The following NEK1 variants were observed in gnomAD, a reference collection of about 807,000 sequenced individuals.
NEK1 encodes the protein NIMA related kinase 1.
In NEK1, 137 loss-of-function variants were observed where a neutral mutation model predicts 182.1. The ratio of observed to expected loss-of-function variants is 0.75; its 90% confidence interval spans 0.65 to 0.87. The LOEUF (loss-of-function observed/expected upper bound fraction) is 0.87. Among genes scored for constraint, NEK1 ranks in the 40% least tolerant of loss-of-function variants. The probability of loss-of-function intolerance (pLI) is 0.00; values close to 1 mark genes in which losing one functional copy is unlikely to be tolerated. For missense variants in NEK1, 1,391 were observed against 1,494.4 expected, an observed-to-expected ratio of 0.93 and a Z score of 1.14; for synonymous variants, 513 against 492.2, an observed-to-expected ratio of 1.04 and a Z score of -0.56.
chr4:169,601,107 GC>G (rs1169773382), intron 4 of NEK1, among the ~76,000 whole-genome samples: 3 of 152,128 alleles, frequency 2.0e-5, no homozygotes, highest in African/African-American at 7.2e-5. Context: ...TCATTTCACT[GC>G]CAGCATAAAA....
At chr4:169,465,268 C>G (rs537145883) in intron 26 of NEK1, among the ~76,000 whole-genome samples, 1 of 152,158 alleles carries the variant, frequency 6.6e-6, no homozygotes, top group Non-Finnish European at 1.5e-5. Context: ...GGAAAAAGTT[C>G]TAACAAACAA....
At chr4:169,400,051 T>C in intron 35 of NEK1, 174 bp downstream of exon 35, 1 of 707,874 alleles carries the variant, frequency 1.4e-6, no homozygotes, top group Non-Finnish European at 2.5e-6. Flanking sequence ...AGTAAAAGTA[T>C]ATGACAGATC....
intron 19 of NEK1, among the ~76,000 whole-genome samples, chr4:169,512,948 T>C (rs570931360): frequency 4.3e-4 from 66 of 152,240 alleles, no homozygotes; most frequent in South Asian, 3.3e-3. Context: ...TAGTGTTTCA[T>C]TGATCTATGT....
intron 35 of NEK1, 118 bp from the exon 36 acceptor site, chr4:169,394,641 T>C (rs1178438849): frequency 1.5e-5 from 8 of 550,100 alleles, no homozygotes; most frequent in East Asian, 6.9e-5. Flanking sequence ...AAACATACTT[T>C]TAAAATTATT....
At chr4:169,434,270 G>A (rs1053436874) in intron 28 of NEK1, among the ~76,000 whole-genome samples, 8 of 140,496 alleles carry the variant, frequency 5.7e-5, no homozygotes, top group African/African-American at 2.1e-4. Flanking sequence ...GTGCAGTGGT[G>A]TGCTCTTGGC....
At chr4:169,459,660 T>C (rs1440861388) in intron 27 of NEK1, among the ~76,000 whole-genome samples, 1 of 152,198 alleles carries the variant, frequency 6.6e-6, no homozygotes, top group African/African-American at 2.4e-5. Flanking sequence ...AGTGAATAAA[T>C]AAACTGTGGC....
At position 169,570,061 on chromosome 4, in the gene NEK1, G is replaced by A. The variant is rs369067832; in HGVS notation, c.1020+6867C>T. On this transcript the variant is annotated intron_variant, in intron 12 of 35. Transcript: ENST00000507142. ...TAGGAAGTGAGGAGCGCCTCTTCCC[G>A]GCCGCCATCCCATCTAGGAAGTGAG... Among the ~76,000 whole-genome samples the A allele has an allele frequency of 2.2e-3, 324 of 148,484 alleles. 1 individual carries two copies. Among genetic ancestry groups the A allele is most frequent in the African/African-American group, 3.5e-3 (140 of 40,218 alleles).
At position 169,433,586 on chromosome 4, in the gene NEK1, A is replaced by G. The variant is rs768193618; in HGVS notation, c.2844T>C (p.Thr948=). ...CTTTTTCCTCACTAATCCACACATC[A>G]GTAATAGTGCATGGCAAGCTCTCAT... is the stretch of plus-strand genomic sequence containing the variant. ...NKDESLPCTI[T]DVWISEEKET... is the part of the protein sequence containing the mutation. The change falls in exon 29 of 36, where the codon ACT becomes ACC. Residue 948 remains threonine, a synonymous_variant. Transcript: ENST00000507142. 3.1e-6 allele frequency: 5 copies of G among 1,613,324 alleles called. No homozygotes were observed. The South Asian group carries it at 5.5e-5, about 18-fold the overall frequency.
intron 2 of NEK1, among the ~76,000 whole-genome samples, chr4:169,605,698 T>A (rs938100782): frequency 9.2e-5 from 14 of 152,150 alleles, no homozygotes; most frequent in Non-Finnish European, 1.8e-4. Context: ...TGTAATAAAC[T>A]CAAATTAATG....
chr4:169,555,421 G>T, intron 18 of NEK1: 1 of 325,232 alleles, frequency 3.1e-6, no homozygotes, highest in South Asian at 3.0e-5. Context: ...TTATTTAAAG[G>T]AAGTGGGTGA....
At chr4:169,485,680 A>C (rs1464466466) in intron 23 of NEK1, among the ~76,000 whole-genome samples, 1 of 152,194 alleles carries the variant, frequency 6.6e-6, no homozygotes, top group African/African-American at 2.4e-5. Flanking sequence ...TTTATTATAC[A>C]ATTGATCACC....
chr4:169,582,748 C>T (rs573714070), intron 10 of NEK1, among the ~76,000 whole-genome samples: 26 of 152,198 alleles, frequency 1.7e-4, no homozygotes, highest in African/African-American at 6.3e-4. Context: ...AGCCACTAGC[C>T]ACATGCGCCT....
At chr4:169,570,755 A>T (rs561527721) in intron 12 of NEK1, among the ~76,000 whole-genome samples, 34 of 152,346 alleles carry the variant, frequency 2.2e-4, no homozygotes, top group African/African-American at 6.5e-4. Context: ...GGTGGGGAAA[A>T]GATTGAGAAA....
chr4:169,587,656 AT>A, intron 8 of NEK1, 43 bp from the exon 9 acceptor site: 2 of 1,241,336 alleles, frequency 1.6e-6, no homozygotes, highest in Non-Finnish European at 1.1e-6. Context: ...AGTATTTCAA[AT>A]TTTTTCATTT....
At chr4:169,433,906 T>C (rs1335661110) in intron 28 of NEK1, among the ~76,000 whole-genome samples, 1 of 152,174 alleles carries the variant, frequency 6.6e-6, no homozygotes, top group Non-Finnish European at 1.5e-5. Context: ...AAAGGTAATA[T>C]GGTATACTCT....
chr4:169,509,134 T>C (rs927234130), intron 19 of NEK1, among the ~76,000 whole-genome samples: 3 of 152,184 alleles, frequency 2.0e-5, no homozygotes, highest in Non-Finnish European at 4.4e-5. Flanking sequence ...TGCTTGTTTG[T>C]TTGTTTGTTT....
At chr4:169,487,629 T>A (rs1419269452) in intron 23 of NEK1, among the ~76,000 whole-genome samples, 1 of 152,234 alleles carries the variant, frequency 6.6e-6, no homozygotes, top group African/African-American at 2.4e-5. Flanking sequence ...AACATACGCA[T>A]GCATGTATCT....
At chr4:169,590,321 T>TAGAC (rs11270666) in intron 6 of NEK1, among the ~76,000 whole-genome samples, 9,161 of 150,996 alleles carry the variant, frequency 0.061, 861 homozygotes, top group African/African-American at 0.2. Context: ...AAACAATAGA[T>TAGAC]AGACAGACAG....
intron 23 of NEK1, among the ~76,000 whole-genome samples, chr4:169,493,314 T>C (rs1389870686): frequency 6.6e-6 from 1 of 151,450 alleles, no homozygotes; most frequent in Non-Finnish European, 1.5e-5. Flanking sequence ...TAAACACAAA[T>C]CCAAAAAAAG....
Sources: allele counts gnomAD v4.1 joint callset (sites outside exome capture counted in the v4.1 genomes callset), GRCh38; gene constraint gnomAD v4.1.1; transcripts MANE v1.5; gene names NCBI Gene and HGNC (gene_info 2026-07-23, HGNC 2026-07-21).